Variants in CFAP46 observed in about 807,000 individuals in gnomAD.
The protein encoded by CFAP46 is cilia and flagella associated protein 46.
CFAP46 carries 245 observed loss-of-function variants against 325.7 expected under a neutral mutation model. The ratio of observed to expected loss-of-function variants is 0.75; its 90% CI spans 0.68 to 0.84. The LOEUF (loss-of-function observed/expected upper bound fraction) is 0.84, where lower values mean the gene tolerates loss of function less well. CFAP46 is among the 40% of genes least tolerant of loss of function. The probability of loss-of-function intolerance (pLI) is 0.00; values close to 1 mark genes in which losing one functional copy is unlikely to be tolerated. For missense variants in CFAP46, 3,346 were observed against 3,543.0 expected (o/e 0.94, Z 1.41); for synonymous variants, 1,523 against 1,495.9 (o/e 1.02, Z -0.42).
At chr10:132,824,310 G>A (rs1165540354) in intron 50 of CFAP46, among the ~76,000 whole-genome samples, 1 of 140,156 alleles carries the variant, frequency 7.1e-6, no homozygotes, top group Non-Finnish European at 1.5e-5. Flanking sequence ...TGTGTGCTGT[G>A]TGTGCACTGA....
Position 132,919,186 on chromosome 10 carries a change from TTG to T in CFAP46, c.1858+127_1858+128del, listed in dbSNP as rs1849682248. 3.0e-6 allele frequency: 3 copies of T among 1,008,984 alleles called. No homozygotes were observed. The highest frequency in any genetic ancestry group is 4.1e-6 in the Non-Finnish European group (3 of 727,062). 62.5% of individuals were successfully genotyped at this position (1,008,984 alleles called of 1,614,324 possible). On this transcript the variant is annotated intron_variant, in intron 15 of 57. Transcript: ENST00000368586. This position sits in a 1 kb window ranked among gnomAD's most constrained non-coding sequence, Gnocchi z 9.7. Reference sequence around the variant, plus strand: ...TGATAATTAGTGGGAACTGCTACCATTGTGACTTAGCAATACGCTTTCTCATG... The same window carrying T: ...TGATAATTAGTGGGAACTGCTACCATTGACTTAGCAATACGCTTTCTCATG...
chr10:132,909,739 G>A (rs922780040), intron 20 of CFAP46, among the ~76,000 whole-genome samples, 180 bp downstream of exon 20: 2 of 152,228 alleles, frequency 1.3e-5, no homozygotes, highest in African/African-American at 2.4e-5. Flanking sequence ...AGGAGGCCCC[G>A]TGCCACACTC....
intron 55 of CFAP46, among the ~76,000 whole-genome samples, chr10:132,812,484 T>A (rs761942628): frequency 5.3e-5 from 8 of 152,054 alleles, no homozygotes; most frequent in Non-Finnish European, 1.0e-4. Context: ...CAGCACTGAC[T>A]CCTGCCAGGT....
In CFAP46 at chr10:132,867,402, C is replaced by G; in HGVS notation, c.4716G>C (p.Glu1572Asp). The change falls in exon 34 of 58, where the codon GAG (glutamate) becomes GAC (aspartate). Residue 1572 changes from glutamate (E) to aspartate (D), a missense_variant. By Grantham distance (45) the Glu-to-Asp change is conservative. Transcript: ENST00000368586. ...TGTCCTTGGCGTCCAGTGGTTTGATCTCCCCAGGCTGGACAGGAAGTGTCT... is the reference window on the plus strand; with the variant it reads ...TGTCCTTGGCGTCCAGTGGTTTGATGTCCCCAGGCTGGACAGGAAGTGTCT... ...NEQTLPVQPG[E>D]IKPLDAKDKI... 1 of 1,550,444 alleles carries G rather than the reference C, an allele frequency of 6.4e-7. No individual in the cohort carries two copies. Among genetic ancestry groups the G allele is most frequent in the Non-Finnish European group, 8.7e-7 (1 of 1,146,956 alleles).
chr10:132,823,790 G>A (rs1847955343), intron 50 of CFAP46, among the ~76,000 whole-genome samples: 1 of 148,024 alleles, frequency 6.8e-6, no homozygotes, highest in Non-Finnish European at 1.5e-5. Flanking sequence ...GTGCACTGAT[G>A]TGTGCTGTGT....
chr10:132,913,497 T>C (rs1027386726), intron 17 of CFAP46, among the ~76,000 whole-genome samples: 2 of 152,162 alleles, frequency 1.3e-5, no homozygotes, highest in African/African-American at 2.4e-5. Flanking sequence ...GCGAACCCTA[T>C]TGCGATCAGC....
At chr10:132,942,346 G>T (rs141093874) in intron 1 of CFAP46, 90 bp downstream of exon 1, 20,225 of 918,976 alleles carry the variant, frequency 0.022, 983 homozygotes, top group African/African-American at 0.096. Flanking sequence ...GGCGGGCTGG[G>T]ATGAGAGGGT....
rs1436303902 is a variant in CFAP46, at chr10:132,840,173, G to A, written c.6439-3259C>T. 3.3e-5 allele frequency among the ~76,000 whole-genome samples: 5 copies of A among 152,118 alleles called. No individual in the cohort carries two copies. In the East Asian group the frequency reaches 9.6e-4, roughly 29 times the overall value. On this transcript the variant is annotated intron_variant, in intron 44 of 57. Coordinates refer to ENST00000368586, the MANE Select transcript of CFAP46 (RefSeq NM_001200049.3). ...ACACCGAATCATTTGGATTTTCTAC[G>A]CTTCTGTTGGCTTTGGTGAGCTGTG...
At chr10:132,821,607 G>T (rs1239641438) in intron 50 of CFAP46, among the ~76,000 whole-genome samples, 2 of 142,902 alleles carry the variant, frequency 1.4e-5, no homozygotes, top group Admixed American at 1.4e-4. Flanking sequence ...TGTGCTGTGT[G>T]TGCGCTGATG....
intron 27 of CFAP46, among the ~76,000 whole-genome samples, chr10:132,881,679 C>T (rs60258094): frequency 0.1 from 7,412 of 73,574 alleles, 635 homozygotes; most frequent in African/African-American, 0.21. Flanking sequence ...CCCTGCGAGC[C>T]GGGGTTAGCC....
chr10:132,823,326 CGGTGTGCTGA>C lies in CFAP46; in HGVS notation c.7118-8422_7118-8413del, dbSNP rs1847932806. Reference sequence around the variant, plus strand: ...TGTGCTGTGTGAGTGCTGATGTGTGCGGTGTGCTGATGTGTGCTGTGTGTGCTGAGTGCTG... The same window carrying C: ...TGTGCTGTGTGAGTGCTGATGTGTGCTGTGTGCTGTGTGTGCTGAGTGCTG... On this transcript the variant is annotated intron_variant, in intron 50 of 57. Coordinates refer to ENST00000368586, the MANE Select transcript of CFAP46 (RefSeq NM_001200049.3). 2.8e-5 allele frequency among the ~76,000 whole-genome samples: 2 copies of C among 70,724 alleles called. 1 individual carries two copies. Among genetic ancestry groups the C allele is most frequent in the Admixed American group, 3.3e-4 (2 of 6,006 alleles). The allele number at this position is 70,724 out of a possible 152,430, so 46.4% of individuals were successfully genotyped here.
At position 132,880,099 on chromosome 10, in the gene CFAP46, C is replaced by CGTGTGTGTGTGTGCATGTATGT. The variant is rs1554881072; in HGVS notation, c.3800-490_3800-469dup. Among the ~76,000 whole-genome samples, 275 of 149,714 alleles carry CGTGTGTGTGTGTGCATGTATGT rather than the reference C, an allele frequency of 1.8e-3. 1 individual carries two copies. Among genetic ancestry groups the CGTGTGTGTGTGTGCATGTATGT allele is most frequent in the African/African-American group, 6.7e-3 (263 of 39,392 alleles). ...CTCTAGGATGGCCCTGCTGTGCGCA[C>CGTGTGTGTGTGTGCATGTATGT]GTGTGTGTGTGTGCATGTATGTGTG... On this transcript the variant is annotated intron_variant, in intron 28 of 57. Transcript: ENST00000368586.
chr10:132,858,231 A>C lies in CFAP46; in HGVS notation c.5376-443T>G, dbSNP rs1848671381. ...TTGCGTGTGGACAAGTCCGGGGGCC[A>C]TAGGTTGGGGGCAGGGCAGTGGGCA... On this transcript the variant is annotated intron_variant, in intron 38 of 57. Transcript: ENST00000368586. Among the ~76,000 whole-genome samples, 6 of 145,614 alleles carry C rather than the reference A, an allele frequency of 4.1e-5. No homozygotes were observed. The South Asian group carries it at 1.4e-3, about 35-fold the overall frequency.
intron 17 of CFAP46, among the ~76,000 whole-genome samples, chr10:132,916,249 G>C (rs548039009): frequency 6.6e-6 from 1 of 152,356 alleles, no homozygotes; most frequent in East Asian, 1.9e-4. Context: ...CCTGACGAGG[G>C]TGAGCAAGAG....
At chr10:132,918,627 G>A (rs892392406) in intron 15 of CFAP46, 107 bp from the exon 16 acceptor site, 52 of 1,366,712 alleles carry the variant, frequency 3.8e-5, no homozygotes, top group African/African-American at 2.8e-4. Flanking sequence ...CCCCAGCTCC[G>A]TGTAGGGTCC....
At chr10:132,937,747 A>G (rs1850031677) in intron 5 of CFAP46, 72 bp from the exon 6 acceptor site, 8 of 1,521,146 alleles carry the variant, frequency 5.3e-6, no homozygotes, top group Non-Finnish European at 7.0e-6. Flanking sequence ...CCAGGTTATT[A>G]AACCATTACA....
In CFAP46 at chr10:132,919,627, T is replaced by C. The variant is rs35970466; in HGVS notation, c.1731-185A>G. Among the ~76,000 whole-genome samples, 56,805 of 151,714 alleles carry C rather than the reference T, an allele frequency of 0.37. 10,846 individuals are homozygous for C. The highest frequency in any genetic ancestry group is 0.49 in the Admixed American group (7,420 of 15,278). On this transcript the variant is annotated intron_variant, in intron 14 of 57. Transcript: ENST00000368586. This position sits in a 1 kb window ranked among gnomAD's most constrained non-coding sequence, Gnocchi z 9.7. Reference sequence around the variant, plus strand: ...TGCATGTCCCAGGGTCGGGCGCAGCTCTCCGCTCTCCCTGCCAGCCAGCTG... The same window carrying C: ...TGCATGTCCCAGGGTCGGGCGCAGCCCTCCGCTCTCCCTGCCAGCCAGCTG...
At chr10:132,848,386 A>G (rs1193977041) in intron 41 of CFAP46, among the ~76,000 whole-genome samples, 1 of 152,202 alleles carries the variant, frequency 6.6e-6, no homozygotes, top group Non-Finnish European at 1.5e-5. Flanking sequence ...ACAGGCAGAG[A>G]GAGAGCTGCC....
Position 132,814,190 on chromosome 10 carries a change from C to T in CFAP46, c.7350G>A (p.Ser2450=), listed in dbSNP as rs767038292. ...TGCTTCCCAGATGTCCCGCCCATCG[C>T]GACGTGAATGTGTCTTGGAATCTTT... The part of the protein sequence containing the change: ...ILERFQDTFT[S]RWAGHLGSKH... Residue 2450 remains serine, a synonymous_variant, in exon 54 of 58, where the codon TCG becomes TCA. Coordinates refer to ENST00000368586, the MANE Select transcript of CFAP46 (RefSeq NM_001200049.3). The T allele has an allele frequency of 3.9e-5, 63 of 1,613,802 alleles. No homozygotes were observed. The East Asian group carries it at 8.5e-4, about 22-fold the overall frequency.
Sources: gnomAD v4.1 joint callset for allele counts (sites outside exome capture counted in the v4.1 genomes callset) on GRCh38, gnomAD v4.1.1 for gene constraint, Gnocchi (gnomAD v3.1) non-coding constraint, MANE v1.5 for transcripts, NCBI Gene and HGNC (gene_info 2026-07-23, HGNC 2026-07-21) for gene names.